Variants in RPS6KC1 observed in about 807,000 individuals in gnomAD.
RPS6KC1 encodes inactive ribosomal protein S6 kinase delta-1.
RPS6KC1 carries 54 observed loss-of-function variants against 103.8 expected under a neutral mutation model. That is an observed-to-expected ratio of 0.52 (90% CI 0.42 to 0.65). RPS6KC1 has a LOEUF of 0.65. RPS6KC1 is among the 30% of genes least tolerant of loss of function. RPS6KC1 has a pLI of 0.00. For synonymous variants in RPS6KC1, 439 were observed against 438.7 expected, an observed-to-expected ratio of 1.00 and a Z score of -0.01; for missense variants, 1,151 against 1,253.8, an observed-to-expected ratio of 0.92 and a Z score of 1.24.
intron 2 of RPS6KC1, among the ~76,000 whole-genome samples, chr1:213,075,159 A>C (rs552336742): frequency 6.6e-6 from 1 of 152,096 alleles, no homozygotes; most frequent in South Asian, 2.1e-4. Flanking sequence ...CCTAGAATAA[A>C]AATTTTATCT....
the RPS6KC1 span, among the ~76,000 whole-genome samples, chr1:213,588,753 T>C: frequency 1.3e-5 from 2 of 152,120 alleles, no homozygotes; most frequent in Admixed American, 1.3e-4. Flanking sequence ...CTGTGTCTTC[T>C]CTTTCTTCCA....
At chr1:213,600,690 C>T in the RPS6KC1 span, among the ~76,000 whole-genome samples, 2 of 152,216 alleles carry the variant, frequency 1.3e-5, no homozygotes, top group African/African-American at 4.8e-5. Flanking sequence ...CCACCAGCTC[C>T]ACTTCTCCCC....
chr1:213,221,654 A>T (rs1017595019), intron 8 of RPS6KC1, among the ~76,000 whole-genome samples: 12 of 152,136 alleles, frequency 7.9e-5, no homozygotes, highest in African/African-American at 2.9e-4. Context: ...AGAAATCTAC[A>T]ATTAGTTGTG....
intron 3 of RPS6KC1, among the ~76,000 whole-genome samples, chr1:213,099,304 C>T (rs556314865): frequency 9.2e-5 from 14 of 151,950 alleles, no homozygotes; most frequent in Non-Finnish European, 2.1e-4. Context: ...AGACTTTACG[C>T]AACATTTTAT....
the RPS6KC1 span, among the ~76,000 whole-genome samples, chr1:213,311,300 G>A: frequency 6.6e-6 from 1 of 151,926 alleles, no homozygotes; most frequent in Non-Finnish European, 1.5e-5. Context: ...CACCACACCC[G>A]GCTAATTTTT....
chr1:213,399,660 C>T, the RPS6KC1 span, among the ~76,000 whole-genome samples: 5 of 152,206 alleles, frequency 3.3e-5, no homozygotes, highest in Middle Eastern at 3.4e-3. Context: ...CCACCCTCTC[C>T]TCCCCCGCAC....
chr1:213,292,344 C>T, the RPS6KC1 span, among the ~76,000 whole-genome samples: 7 of 152,214 alleles, frequency 4.6e-5, no homozygotes, highest in African/African-American at 1.7e-4. Context: ...CTGGGAACTC[C>T]AAGCTCCAGC....
At chr1:213,854,888 A>G in the RPS6KC1 span, among the ~76,000 whole-genome samples, 1 of 152,200 alleles carries the variant, frequency 6.6e-6, no homozygotes, top group Non-Finnish European at 1.5e-5. Flanking sequence ...CTATAACAAG[A>G]TACCATAATC....
the RPS6KC1 span, among the ~76,000 whole-genome samples, chr1:213,737,146 C>T: frequency 9.9e-5 from 15 of 152,182 alleles, no homozygotes; most frequent in Admixed American, 9.8e-4. Flanking sequence ...ATATAAAAAG[C>T]CAAGTTCTGT....
chr1:213,754,109 C>T, the RPS6KC1 span, among the ~76,000 whole-genome samples: 1 of 152,172 alleles, frequency 6.6e-6, no homozygotes, highest in Non-Finnish European at 1.5e-5. Flanking sequence ...TTTGTCAGCT[C>T]AGGCTGCGGA....
At chr1:213,294,362 T>C in the RPS6KC1 span, among the ~76,000 whole-genome samples, 4 of 152,170 alleles carry the variant, frequency 2.6e-5, no homozygotes, top group African/African-American at 9.7e-5. Flanking sequence ...TCTTGGTCAA[T>C]AGAGAGGCCA....
the RPS6KC1 span, among the ~76,000 whole-genome samples, chr1:213,825,606 C>T: frequency 3.3e-5 from 5 of 152,088 alleles, no homozygotes; most frequent in Non-Finnish European, 1.5e-5. Context: ...CCCAGACTGC[C>T]CCTCCACATG....
chr1:213,659,066 G>C, the RPS6KC1 span, among the ~76,000 whole-genome samples: 45 of 152,012 alleles, frequency 3.0e-4, no homozygotes, highest in Non-Finnish European at 5.9e-4. Context: ...CTGGGTTCAA[G>C]CGATTCTCCT....
chr1:213,482,652 G>A, the RPS6KC1 span, among the ~76,000 whole-genome samples: 2 of 143,608 alleles, frequency 1.4e-5, no homozygotes, highest in African/African-American at 2.6e-5. Flanking sequence ...GGGCTCAAGC[G>A]ACTCTCCTGC....
At chr1:213,550,596 A>G in the RPS6KC1 span, among the ~76,000 whole-genome samples, 2 of 152,234 alleles carry the variant, frequency 1.3e-5, no homozygotes, top group South Asian at 4.1e-4. Flanking sequence ...GAAAAGTTAA[A>G]TAAATAACAG....
At chr1:213,183,315 G>A (rs1573079009) in intron 8 of RPS6KC1, among the ~76,000 whole-genome samples, 1 of 152,002 alleles carries the variant, frequency 6.6e-6, no homozygotes, top group Non-Finnish European at 1.5e-5. Context: ...CCAACAAAAT[G>A]TAACTGACTT....
At chr1:213,151,739 C>G (rs1319105191) in intron 6 of RPS6KC1, among the ~76,000 whole-genome samples, 1 of 130,866 alleles carries the variant, frequency 7.6e-6, no homozygotes, top group Non-Finnish European at 1.6e-5. Context: ...GACCCCCCCA[C>G]CCATCTCCCT....
intron 6 of RPS6KC1, among the ~76,000 whole-genome samples, chr1:213,152,688 C>G (rs1303199024): frequency 6.6e-6 from 1 of 151,696 alleles, no homozygotes; most frequent in Non-Finnish European, 1.5e-5. Flanking sequence ...TGATGGCGGC[C>G]GGGCAGAGGT....
the RPS6KC1 span, among the ~76,000 whole-genome samples, chr1:213,428,271 G>A: frequency 6.6e-6 from 1 of 152,312 alleles, no homozygotes; most frequent in South Asian, 2.1e-4. Flanking sequence ...CATCTGTTTA[G>A]AGCAGGCCTA....
Sources: gnomAD v4.1 joint callset for allele counts (sites outside exome capture counted in the v4.1 genomes callset) on GRCh38, gnomAD v4.1.1 for gene constraint, MANE v1.5 for transcripts, NCBI Gene and HGNC (gene_info 2026-07-23, HGNC 2026-07-21) for gene names.